The following LAMA1 variants were observed in gnomAD, a reference collection of about 807,000 sequenced individuals.
The protein encoded by LAMA1 is laminin subunit alpha-1.
A neutral mutation model predicts 348.7 loss-of-function variants in LAMA1; 219 were observed. The ratio of observed to expected loss-of-function variants is 0.63; its 90% confidence interval spans 0.56 to 0.70. LAMA1 has a LOEUF of 0.70. Among genes scored for constraint, LAMA1 ranks in the 30% least tolerant of loss-of-function variants. LAMA1 has a pLI of 0.00. For synonymous variants in LAMA1, 1,487 were observed against 1,491.0 expected, an observed-to-expected ratio of 1.00 and a Z score of 0.06; for missense variants, 3,744 against 3,888.0, an observed-to-expected ratio of 0.96 and a Z score of 0.99.
chr18:6,947,132 A>G (rs752097594), intron 61 of LAMA1, 31 bp downstream of exon 61: 29 of 1,604,834 alleles, frequency 1.8e-5, no homozygotes, highest in Non-Finnish European at 2.5e-5. Flanking sequence ...CACTGGGGGG[A>G]GGAAGACCCT....
chr18:6,951,380 A>G (rs1316530346), intron 57 of LAMA1, among the ~76,000 whole-genome samples: 3 of 152,214 alleles, frequency 2.0e-5, no homozygotes, highest in Non-Finnish European at 4.4e-5. Flanking sequence ...GCTTGATGGC[A>G]GGGGACATCA....
intron 1 of LAMA1, among the ~76,000 whole-genome samples, chr18:7,081,384 A>C (rs919276837): frequency 2.0e-5 from 3 of 152,188 alleles, no homozygotes; most frequent in African/African-American, 7.2e-5. Context: ...GGTAGTATTT[A>C]CAAGGTCTTT....
chr18:7,043,631 G>A (rs1228562016), intron 7 of LAMA1, among the ~76,000 whole-genome samples: 1 of 152,084 alleles, frequency 6.6e-6, no homozygotes, highest in Non-Finnish European at 1.5e-5. Context: ...CATCTCCTGG[G>A]ATTATATTTC....
At chr18:6,965,264 T>G (rs2144016425) in intron 50 of LAMA1, 24 bp downstream of exon 50, 1 of 1,614,084 alleles carries the variant, frequency 6.2e-7, no homozygotes, top group Non-Finnish European at 8.5e-7. Flanking sequence ...GACCGACATC[T>G]GGTGAGTCCA....
intron 1 of LAMA1, among the ~76,000 whole-genome samples, chr18:7,101,168 CTG>C (rs1416082317): frequency 6.6e-5 from 10 of 152,182 alleles, no homozygotes; most frequent in African/African-American, 2.4e-4. Context: ...TCATACCAGA[CTG>C]TGATTGTATA....
At chr18:7,053,572 T>C (rs558658870) in intron 3 of LAMA1, among the ~76,000 whole-genome samples, 4 of 152,014 alleles carry the variant, frequency 2.6e-5, no homozygotes, top group African/African-American at 7.2e-5. Context: ...AAAAAATGAA[T>C]GTAGATGACT....
intron 3 of LAMA1, among the ~76,000 whole-genome samples, chr18:7,062,928 T>C (rs1013005188): frequency 1.3e-5 from 2 of 152,164 alleles, no homozygotes; most frequent in Non-Finnish European, 2.9e-5. Context: ...TTCGCATGCC[T>C]TATTATGAGA....
intron 3 of LAMA1, among the ~76,000 whole-genome samples, chr18:7,073,759 G>A (rs116041824): frequency 0.014 from 2,088 of 151,924 alleles, 41 homozygotes; most frequent in African/African-American, 0.048. Flanking sequence ...AATTCTTTAC[G>A]GCATTCCCTA....
rs975665109 is a variant in LAMA1, at chr18:6,967,786, T to G, written c.6900-1489A>C. ...TGGTCCTCAGTGCATGGCCCTTCCC[T>G]CTCCAGAGCCCGTGAGCCCTCCTCT... On this transcript the variant is annotated intron_variant, in intron 48 of 62. Coordinates refer to ENST00000389658, the MANE Select transcript of LAMA1 (RefSeq NM_005559.4). Among the ~76,000 whole-genome samples the G allele has an allele frequency of 3.3e-5, 5 of 152,080 alleles. No individual in the cohort carries two copies. In the East Asian group the frequency reaches 9.7e-4, roughly 29 times the overall value.
At chr18:6,991,083 G>C (rs943218054) in intron 36 of LAMA1, among the ~76,000 whole-genome samples, 1 of 151,996 alleles carries the variant, frequency 6.6e-6, no homozygotes, top group African/African-American at 2.4e-5. Context: ...TTCCCCCTGC[G>C]CAAGGCCTTT....
chr18:6,978,004 T>C, intron 43 of LAMA1, 123 bp from the exon 44 acceptor site: 1 of 1,297,148 alleles, frequency 7.7e-7, no homozygotes, highest in South Asian at 1.2e-5. Flanking sequence ...GCCATGACAT[T>C]GTGGTACAAA....
chr18:6,947,438 T>C (rs963281236), intron 60 of LAMA1, 142 bp from the exon 61 acceptor site: 6 of 945,378 alleles, frequency 6.3e-6, no homozygotes, highest in Non-Finnish European at 9.9e-6. Flanking sequence ...AGGTCACTCC[T>C]GCCCTCTGAG....
chr18:6,964,260 C>T, intron 51 of LAMA1: 1 of 292,448 alleles, frequency 3.4e-6, no homozygotes, highest in Non-Finnish European at 6.6e-6. Context: ...ACCGTGTCCT[C>T]CCAAAAGATG....
intron 45 of LAMA1, among the ~76,000 whole-genome samples, chr18:6,975,614 C>T (rs370611945): frequency 1.3e-5 from 2 of 152,174 alleles, no homozygotes; most frequent in South Asian, 4.1e-4. Context: ...GAATCCTTGG[C>T]AAGAAAAACC....
chr18:6,946,691 C>G (rs573479784), intron 61 of LAMA1, among the ~76,000 whole-genome samples: 6 of 152,118 alleles, frequency 3.9e-5, no homozygotes, highest in African/African-American at 1.4e-4. Context: ...TGCACTCTAG[C>G]TTGGGCAACA....
chr18:6,999,375 G>A (rs557388261), intron 32 of LAMA1, 70 bp downstream of exon 32: 43 of 1,493,260 alleles, frequency 2.9e-5, no homozygotes, highest in Admixed American at 8.5e-5. Flanking sequence ...TTAGCGTGCC[G>A]TCACCACTTC....
intron 22 of LAMA1, among the ~76,000 whole-genome samples, chr18:7,015,317 T>G (rs370829402): frequency 8.4e-4 from 128 of 152,290 alleles, no homozygotes; most frequent in African/African-American, 2.9e-3. Flanking sequence ...TTGTTCAGGC[T>G]GAAGTGCAGT....
chr18:6,980,419 C>G (rs1345333447), intron 42 of LAMA1, 102 bp downstream of exon 42: 1 of 831,688 alleles, frequency 1.2e-6, no homozygotes, highest in Non-Finnish European at 2.1e-6. Context: ...CATTTTTGAG[C>G]TAAAGCCTTT....
At chr18:6,943,424 A>G (rs568387169) in intron 61 of LAMA1, 22 bp from the exon 62 acceptor site, 1 of 1,595,948 alleles carries the variant, frequency 6.3e-7, no homozygotes, top group East Asian at 2.2e-5. Flanking sequence ...TATCTTGGTG[A>G]GTTTTTGTGT....
Sources: gnomAD v4.1 joint callset for allele counts (sites outside exome capture counted in the v4.1 genomes callset) on GRCh38, gnomAD v4.1.1 for gene constraint, MANE v1.5 for transcripts, NCBI Gene and HGNC (gene_info 2026-07-23, HGNC 2026-07-21) for gene names.